The following CDYL variants were observed in gnomAD, a reference collection of about 807,000 sequenced individuals.
CDYL encodes chromodomain Y like.
CDYL carries 8 observed loss-of-function variants against 47.3 expected under a neutral mutation model. That is an observed-to-expected ratio of 0.17 (90% confidence interval 0.10 to 0.31). The LOEUF (loss-of-function observed/expected upper bound fraction) is 0.31. CDYL is among the 10% of genes least tolerant of loss of function. The probability of loss-of-function intolerance (pLI) is 1.00; values close to 1 mark genes in which losing one functional copy is unlikely to be tolerated. For synonymous variants in CDYL, 266 were observed against 265.0 expected (o/e 1.00, Z -0.04); for missense variants, 471 against 701.4 (o/e 0.67, Z 3.71).
intron 1 of CDYL, among the ~76,000 whole-genome samples, chr6:4,811,725 C>T (rs1759534507): frequency 6.6e-6 from 1 of 151,870 alleles, no homozygotes; most frequent in Admixed American, 6.6e-5. Flanking sequence ...CCTGCCCTGC[C>T]TTTCCAAAGC....
At chr6:4,943,499 C>A in intron 4 of CDYL, 47 bp from the exon 5 acceptor site, 2 of 1,329,804 alleles carry the variant, frequency 1.5e-6, no homozygotes, top group South Asian at 2.5e-5. Context: ...TTCCTTTGCT[C>A]AAATATGCAA....
At chr6:4,725,857 T>A (rs910190977) in intron 2 of CDYL, among the ~76,000 whole-genome samples, 1 of 152,248 alleles carries the variant, frequency 6.6e-6, no homozygotes, top group African/African-American at 2.4e-5. Context: ...CCGGACACGC[T>A]GTCACCTCTC....
intron 1 of CDYL, among the ~76,000 whole-genome samples, chr6:4,816,215 G>T (rs947540363): frequency 1.3e-5 from 2 of 150,846 alleles, no homozygotes; most frequent in African/African-American, 4.9e-5. Context: ...TGTAGAGGAC[G>T]CACTGAGCAT....
chr6:4,952,346 G>T lies in CDYL; in HGVS notation c.1413G>T (p.Trp471Cys). ...AGGGCCTGGTCTCCCAGGTGTTTTG[G>T]CCCGGGACGTTCACTCAGGAAGTGA... ...CGKGLVSQVFWPGTFTQEVMV... is the reference protein window; with the variant it reads ...CGKGLVSQVFCPGTFTQEVMV... The change falls in exon 6 of 7, where the codon TGG becomes TGT. Residue 471 changes from tryptophan (W) to cysteine (C), a missense_variant. By Grantham distance (215) the Trp-to-Cys change is radical. Around this residue, in one of 3 missense-constraint regions of CDYL, gnomAD observed 103 missense variants for 277.1 expected, o/e 0.37. Transcript: ENST00000397588. The T allele has an allele frequency of 6.2e-7, 1 of 1,614,144 alleles. No individual in the cohort carries two copies. Among genetic ancestry groups the T allele is most frequent in the East Asian group, 2.2e-5 (1 of 44,880 alleles).
chr6:4,934,615 C>G (rs1027428656), intron 2 of CDYL, among the ~76,000 whole-genome samples: 3 of 152,198 alleles, frequency 2.0e-5, no homozygotes, highest in Admixed American at 6.5e-5. Flanking sequence ...ACTCTACATT[C>G]ATCACCACAT....
intron 1 of CDYL, among the ~76,000 whole-genome samples, chr6:4,851,709 A>T (rs1306333180): frequency 2.6e-5 from 4 of 152,208 alleles, no homozygotes; most frequent in African/African-American, 9.7e-5. Context: ...TTAACGCAAC[A>T]ATCCCTGATC....
chr6:4,800,282 C>T (rs1230140675), intron 1 of CDYL, among the ~76,000 whole-genome samples: 4 of 152,008 alleles, frequency 2.6e-5, no homozygotes, highest in Admixed American at 1.3e-4. Flanking sequence ...TTTAATTCTT[C>T]TGTTGGTTTT....
chr6:4,907,628 G>A (rs1439268878), intron 2 of CDYL, among the ~76,000 whole-genome samples: 1 of 152,170 alleles, frequency 6.6e-6, no homozygotes, highest in Non-Finnish European at 1.5e-5. Flanking sequence ...TCCAGCATCA[G>A]CCTCCCAAAG....
At chr6:4,946,415 C>T (rs1581289368) in intron 5 of CDYL, among the ~76,000 whole-genome samples, 1 of 152,306 alleles carries the variant, frequency 6.6e-6, no homozygotes, top group East Asian at 1.9e-4. Context: ...TCACCACATT[C>T]TCTTTGAGGC....
At chr6:4,777,504 C>T (rs1423767893) in intron 1 of CDYL, among the ~76,000 whole-genome samples, 1 of 152,194 alleles carries the variant, frequency 6.6e-6, no homozygotes, top group East Asian at 1.9e-4. Flanking sequence ...GATCTTTAGA[C>T]ATGTTTTGTA....
chr6:4,933,205 T>G (rs1055226923), intron 2 of CDYL, among the ~76,000 whole-genome samples: 4 of 152,236 alleles, frequency 2.6e-5, no homozygotes, highest in South Asian at 4.1e-4. Flanking sequence ...GAGCTCATAC[T>G]GTCAGTTCAG....
intron 2 of CDYL, among the ~76,000 whole-genome samples, chr6:4,901,631 A>C (rs1757057126): frequency 6.6e-6 from 1 of 152,002 alleles, no homozygotes; most frequent in South Asian, 2.1e-4. Flanking sequence ...GTTAGAACCT[A>C]CTCCTGACTT....
intron 1 of CDYL, among the ~76,000 whole-genome samples, chr6:4,835,087 C>A (rs575622060): frequency 6.6e-6 from 1 of 152,188 alleles, no homozygotes; most frequent in Non-Finnish European, 1.5e-5. Flanking sequence ...AGTCATTCTC[C>A]GTCCAGCTTT....
At chr6:4,908,843 G>A (rs1173661805) in intron 2 of CDYL, among the ~76,000 whole-genome samples, 1 of 152,138 alleles carries the variant, frequency 6.6e-6, no homozygotes, top group East Asian at 1.9e-4. Context: ...CCATACCGTG[G>A]CACTTCCTCA....
intron 1 of CDYL, among the ~76,000 whole-genome samples, chr6:4,886,803 A>T (rs1220017641): frequency 6.6e-6 from 1 of 152,196 alleles, no homozygotes; most frequent in African/African-American, 2.4e-5. Context: ...ACAACAAATT[A>T]CACCGCTATA....
At chr6:4,806,075 T>TGTACATGCC (rs570466854) in intron 1 of CDYL, among the ~76,000 whole-genome samples, 8 of 152,074 alleles carry the variant, frequency 5.3e-5, no homozygotes, top group Non-Finnish European at 1.2e-4. Context: ...AGGGAGCGGG[T>TGTACATGCC]GTACATGCCG....
intron 3 of CDYL, among the ~76,000 whole-genome samples, chr6:4,737,689 G>T (rs1485219882): frequency 1.3e-5 from 2 of 151,736 alleles, no homozygotes; most frequent in African/African-American, 4.8e-5. Context: ...ACCACGCCTG[G>T]CTAATTTTTG....
exon 3 of CDYL, chr6:4,734,777 G>T (rs1757672288): frequency 6.2e-7 from 1 of 1,614,110 alleles, no homozygotes; most frequent in Non-Finnish European, 8.5e-7. Flanking sequence ...GCACCAGATG[G>T]GCCTTCAGAC....
At chr6:4,794,389 G>A (rs1009081060) in intron 1 of CDYL, among the ~76,000 whole-genome samples, 1 of 152,168 alleles carries the variant, frequency 6.6e-6, no homozygotes, top group African/African-American at 2.4e-5. Flanking sequence ...TCTTTCAGTG[G>A]AGTATGGAGA....
Sources: allele counts gnomAD v4.1 joint callset (sites outside exome capture counted in the v4.1 genomes callset), GRCh38; gene constraint gnomAD v4.1.1; regional missense constraint gnomAD v4.1.1; transcripts MANE v1.5; gene names NCBI Gene and HGNC (gene_info 2026-07-23, HGNC 2026-07-21).